THSD7A: variants seen among roughly 807,000 people sequenced by gnomAD.
The protein encoded by THSD7A is thrombospondin type 1 domain containing 7A, also known as thrombospondin type-1 domain-containing protein 7A.
A neutral mutation model predicts 231.3 loss-of-function variants in THSD7A; 96 were observed. The ratio of observed to expected loss-of-function variants is 0.41; its 90% confidence interval spans 0.35 to 0.49. The LOEUF (loss-of-function observed/expected upper bound fraction) is 0.49, where lower values mean the gene tolerates loss of function less well. Among genes scored for constraint, THSD7A ranks in the 20% least tolerant of loss-of-function variants. THSD7A has a pLI of 0.05. For synonymous variants in THSD7A, 940 were observed against 743.3 expected (o/e 1.26, Z -4.30); for missense variants, 2,290 against 2,070.2 (o/e 1.11, Z -2.06).
chr7:11,421,552 CCTTTT>C (rs1182189966), intron 16 of THSD7A, among the ~76,000 whole-genome samples: 1 of 152,032 alleles, frequency 6.6e-6, no homozygotes, highest in Non-Finnish European at 1.5e-5. Context: ...CATCTCTCTT[CCTTTT>C]ATTTTTTTGT....
At chr7:11,434,708 G>A (rs1488040969) in intron 13 of THSD7A, among the ~76,000 whole-genome samples, 1 of 151,940 alleles carries the variant, frequency 6.6e-6, no homozygotes, top group Non-Finnish European at 1.5e-5. Flanking sequence ...AACTGGGAAT[G>A]AGAAAATGTA....
chr7:11,663,674 A>G (rs148402603), intron 1 of THSD7A, among the ~76,000 whole-genome samples: 1 of 151,632 alleles, frequency 6.6e-6, no homozygotes, highest in Non-Finnish European at 1.5e-5. Context: ...AATACAATAC[A>G]TCAAAAGGAT....
chr7:11,653,973 A>C (rs2128369868), intron 1 of THSD7A, among the ~76,000 whole-genome samples: 1 of 152,062 alleles, frequency 6.6e-6, no homozygotes, highest in Admixed American at 6.6e-5. Flanking sequence ...ATAATATTAT[A>C]GTTAGATTGT....
intron 6 of THSD7A, among the ~76,000 whole-genome samples, chr7:11,515,263 C>T (rs529403792): frequency 6.6e-6 from 1 of 152,076 alleles, no homozygotes; most frequent in Non-Finnish European, 1.5e-5. Flanking sequence ...ATGTTACTTG[C>T]TAGGTCTGTG....
chr7:11,601,711 C>A (rs1404457056), intron 2 of THSD7A, among the ~76,000 whole-genome samples: 1 of 152,150 alleles, frequency 6.6e-6, no homozygotes, highest in African/African-American at 2.4e-5. Context: ...TCTAAGCAGA[C>A]TGATGACGGT....
intron 16 of THSD7A, among the ~76,000 whole-genome samples, chr7:11,421,515 G>C (rs1784141802): frequency 6.6e-6 from 1 of 152,046 alleles, no homozygotes; most frequent in Admixed American, 6.5e-5. Flanking sequence ...AGGAAGTTCT[G>C]TATAGCACTA....
At chr7:11,467,030 A>T (rs1312801287) in intron 9 of THSD7A, among the ~76,000 whole-genome samples, 1 of 151,958 alleles carries the variant, frequency 6.6e-6, no homozygotes, top group Non-Finnish European at 1.5e-5. Flanking sequence ...ATTCCTTTAC[A>T]TCCTCTAGCC....
chr7:11,636,638 T>C lies in THSD7A; in HGVS notation c.514A>G (p.Ile172Val). 6.2e-7 allele frequency: 1 copy of C among 1,614,006 alleles called. No individual in the cohort carries two copies. The highest frequency in any genetic ancestry group is 8.5e-7 in the Non-Finnish European group (1 of 1,179,900). Residue 172 changes from isoleucine (I) to valine (V), a missense_variant, in exon 2 of 28, where the codon ATC (isoleucine) becomes GTC (valine). Ile to Val is a conservative substitution (Grantham distance 29). Coordinates refer to ENST00000423059, the MANE Select transcript of THSD7A (RefSeq NM_015204.3). This position sits in a 1 kb window ranked among gnomAD's most constrained non-coding sequence, Gnocchi z 10.0. The part of the protein sequence containing the change: ...QKDKDIPAED[I>V]ICEYFEPKPL... The stretch of plus-strand genomic sequence containing the variant: ...TTGGGCTCAAAGTACTCACAGATGA[T>C]ATCCTCCGCAGGAATGTCTTTGTCT...
intron 4 of THSD7A, among the ~76,000 whole-genome samples, chr7:11,587,515 C>T (rs1779960667): frequency 6.6e-6 from 1 of 152,144 alleles, no homozygotes; most frequent in African/African-American, 2.4e-5. Flanking sequence ...TTTCTTCCTA[C>T]TCTTTACAGG....
intron 1 of THSD7A, among the ~76,000 whole-genome samples, chr7:11,639,530 G>A (rs994439970): frequency 2.2e-4 from 33 of 151,988 alleles, no homozygotes; most frequent in Admixed American, 7.9e-4. Context: ...TTAGCCAAGC[G>A]TGGTGGCGGG....
At chr7:11,482,979 C>T (rs999087897) in intron 6 of THSD7A, among the ~76,000 whole-genome samples, 10 of 152,080 alleles carry the variant, frequency 6.6e-5, no homozygotes, top group African/African-American at 1.4e-4. Context: ...AGGTGGTTAA[C>T]GAGGTCAAGG....
intron 1 of THSD7A, among the ~76,000 whole-genome samples, chr7:11,748,974 C>T (rs1006373791): frequency 4.6e-5 from 7 of 151,904 alleles, no homozygotes; most frequent in East Asian, 2.0e-4. Flanking sequence ...TCCAGCTGAG[C>T]GGGGAGGGGA....
intron 1 of THSD7A, among the ~76,000 whole-genome samples, chr7:11,793,692 C>T (rs909901464): frequency 2.0e-5 from 3 of 151,668 alleles, no homozygotes; most frequent in Non-Finnish European, 4.4e-5. Flanking sequence ...AAATGGTATA[C>T]TATATTTTTC....
chr7:11,638,090 G>C (rs962518508), intron 1 of THSD7A, among the ~76,000 whole-genome samples: 1 of 152,038 alleles, frequency 6.6e-6, no homozygotes, highest in African/African-American at 2.4e-5. Flanking sequence ...CACTACTGTC[G>C]TCCTCCCTGA....
chr7:11,824,417 C>G (rs1005804905), intron 1 of THSD7A, among the ~76,000 whole-genome samples: 1 of 152,078 alleles, frequency 6.6e-6, no homozygotes, highest in Non-Finnish European at 1.5e-5. Context: ...CAATAACCTA[C>G]TCAGAATCTC....
At chr7:11,692,786 A>C (rs1417275696) in intron 1 of THSD7A, among the ~76,000 whole-genome samples, 5 of 151,562 alleles carry the variant, frequency 3.3e-5, no homozygotes, top group Admixed American at 3.3e-4. Context: ...GACCTGTGTA[A>C]AGGGTCCTGT....
intron 23 of THSD7A, among the ~76,000 whole-genome samples, chr7:11,398,106 G>C (rs1327901235): frequency 2.6e-5 from 4 of 152,094 alleles, no homozygotes; most frequent in African/African-American, 9.7e-5. Context: ...TTGCAGCACT[G>C]TTCACAATAG....
intron 11 of THSD7A, among the ~76,000 whole-genome samples, chr7:11,457,494 T>G (rs1785347157): frequency 6.6e-6 from 1 of 152,080 alleles, no homozygotes; most frequent in Non-Finnish European, 1.5e-5. Flanking sequence ...CTATTTCATA[T>G]TACTGTTGTT....
intron 2 of THSD7A, among the ~76,000 whole-genome samples, chr7:11,612,370 A>G (rs554572654): frequency 2.0e-5 from 3 of 152,340 alleles, no homozygotes; most frequent in South Asian, 4.1e-4. Context: ...ATTAGGTACA[A>G]ATAAAGAATG....
Sources: allele counts gnomAD v4.1 joint callset (sites outside exome capture counted in the v4.1 genomes callset), GRCh38; gene constraint gnomAD v4.1.1; non-coding constraint Gnocchi (gnomAD v3.1); transcripts MANE v1.5; gene names NCBI Gene and HGNC (gene_info 2026-07-23, HGNC 2026-07-21).